Variants in CLK3 observed in about 807,000 individuals in gnomAD.
CLK3 encodes dual specificity protein kinase CLK3.
CLK3 carries 24 observed loss-of-function variants against 65.2 expected under a neutral mutation model. The ratio of observed to expected loss-of-function variants is 0.37; its 90% confidence interval spans 0.27 to 0.52. The LOEUF (loss-of-function observed/expected upper bound fraction) is 0.52. Among genes scored for constraint, CLK3 ranks in the 20% least tolerant of loss-of-function variants. The pLI is 0.92. For missense variants in CLK3, 506 were observed against 660.0 expected (o/e 0.77, Z 2.56); for synonymous variants, 252 against 240.8 (o/e 1.05, Z -0.43).
In CLK3 at chr15:74,621,780, C is replaced by T. The variant is rs906476564; in HGVS notation, c.370-340C>T. 3 of 365,442 alleles carry T rather than the reference C, an allele frequency of 8.2e-6. No individual in the cohort carries two copies. Among genetic ancestry groups the T allele is most frequent in the South Asian group, 2.1e-5 (1 of 47,386 alleles). The allele number at this position is 365,442 out of a possible 1,614,324, so 22.6% of individuals were successfully genotyped here. A position where few individuals can be genotyped will look rare whatever the true frequency, so the allele number is the denominator to read the frequency against. ...GGAGGAGGGAGTCGGGGCGATGGCT[C>T]TCCTCACAGCGTGGCCCTCAGCAGC... is the stretch of plus-strand genomic sequence containing the variant. On this transcript the variant is annotated intron_variant, in intron 3 of 12. Coordinates refer to ENST00000395066, the MANE Select transcript of CLK3 (RefSeq NM_001130028.2). This position sits in a 1 kb window ranked among gnomAD's most constrained non-coding sequence, Gnocchi z 4.8.
chr15:74,618,323 T>C (rs1175564451), intron 1 of CLK3, among the ~76,000 whole-genome samples: 2 of 152,126 alleles, frequency 1.3e-5, no homozygotes, highest in African/African-American at 2.4e-5. Flanking sequence ...TGGATATAAG[T>C]CCTCACTGAA....
chr15:74,615,802 G>C, upstream of CLK3: 1 of 1,243,844 alleles, frequency 8.0e-7, no homozygotes, highest in Non-Finnish European at 1.0e-6. Flanking sequence ...CGTCACGCGA[G>C]GGGGCGGGGC....
chr15:74,626,603 G>A (rs1382175781), intron 7 of CLK3, among the ~76,000 whole-genome samples: 1 of 152,232 alleles, frequency 6.6e-6, no homozygotes, highest in African/African-American at 2.4e-5. Context: ...TCCTCCCACA[G>A]GATCTGCAAG....
chr15:74,615,656 C>T (rs2141533934), upstream of CLK3: 4 of 1,247,894 alleles, frequency 3.2e-6, no homozygotes, highest in Non-Finnish European at 4.0e-6. Flanking sequence ...GGCTCGTCCC[C>T]TCGGCCCTCC....
intron 12 of CLK3, 162 bp downstream of exon 12, chr15:74,629,194 T>C: frequency 1.4e-6 from 1 of 716,360 alleles, no homozygotes; most frequent in Non-Finnish European, 2.6e-6. Flanking sequence ...ATGGGGCTTC[T>C]TGCAAACTGC....
Position 74,620,040 on chromosome 15 carries a change from C to G in CLK3, c.184C>G (p.Arg62Gly). The change falls in exon 3 of 13, where the codon CGG (arginine) becomes GGG (glycine). Residue 62 changes from arginine (R) to glycine (G), a missense_variant. Around this residue, in one of 2 missense-constraint regions of CLK3, gnomAD observed 181 missense variants for 159.4 expected, o/e 1.14. Coordinates refer to ENST00000395066, the MANE Select transcript of CLK3 (RefSeq NM_001130028.2). ...CCGCCTGCCCTACCAGAGGAGGTACCGGGAGCGCCGTGACAGCGATACATA... is the reference window on the plus strand; with the variant it reads ...CCGCCTGCCCTACCAGAGGAGGTACGGGGAGCGCCGTGACAGCGATACATA... The part of the protein sequence containing the change: ...HDRLPYQRRY[R>G]ERRDSDTYRC... 1 of 1,614,152 alleles carries G rather than the reference C, an allele frequency of 6.2e-7. No homozygotes were observed. The highest frequency in any genetic ancestry group is 8.5e-7 in the Non-Finnish European group (1 of 1,180,028).
upstream of CLK3, chr15:74,615,127 C>T (rs900146846): frequency 6.4e-6 from 2 of 313,076 alleles, no homozygotes; most frequent in Non-Finnish European, 1.2e-5. Context: ...AGAGACGCAG[C>T]CGGCGGGGCT....
rs570165554 is a variant in CLK3 at position 74,619,447 on chromosome 15, T to G, written c.152+99T>G. The G allele has an allele frequency of 1.3e-5, 17 of 1,357,798 alleles. No homozygotes were observed. The East Asian group carries it at 2.3e-4, about 19-fold the overall frequency. 84.1% of individuals were successfully genotyped at this position (1,357,798 alleles called of 1,614,324 possible). A position where few individuals can be genotyped will look rare whatever the true frequency, so the allele number is the denominator to read the frequency against. On this transcript the variant is annotated intron_variant, in intron 2 of 12. Transcript: ENST00000395066. ...TGAGATGACTCCATCCCTGCCCAGCTGTCCCTGGATCCCTGCCCTGTCCTC... is the reference window on the plus strand; with the variant it reads ...TGAGATGACTCCATCCCTGCCCAGCGGTCCCTGGATCCCTGCCCTGTCCTC...
intron 7 of CLK3, 99 bp downstream of exon 7, chr15:74,626,067 C>G (rs577457031): frequency 8.1e-6 from 11 of 1,350,018 alleles, no homozygotes; most frequent in African/African-American, 5.7e-5. Flanking sequence ...CGTTACTAAC[C>G]ATTCTCCTGG....
intron 1 of CLK3, chr15:74,618,953 C>T (rs2062080378): frequency 4.5e-6 from 2 of 447,968 alleles, no homozygotes; most frequent in Admixed American, 7.6e-5. Flanking sequence ...ACCCAGGCCA[C>T]CAGGCTAGTG....
At chr15:74,619,537 C>T (rs926282732) in intron 2 of CLK3, among the ~76,000 whole-genome samples, 189 bp downstream of exon 2, 1 of 152,182 alleles carries the variant, frequency 6.6e-6, no homozygotes, top group African/African-American at 2.4e-5. Flanking sequence ...ATCCTTGCCG[C>T]CCACTCTTTC....
chr15:74,615,952 G>C (rs2062055003), intron 1 of CLK3, 54 bp downstream of exon 1: 1 of 1,197,538 alleles, frequency 8.4e-7, no homozygotes, highest in Admixed American at 4.2e-5. Context: ...GGCCGGGGGT[G>C]AGTCGGCGGG....
chr15:74,623,467 C>G (rs1443239214), intron 5 of CLK3, among the ~76,000 whole-genome samples: 1 of 152,228 alleles, frequency 6.6e-6, no homozygotes, highest in South Asian at 2.1e-4. Flanking sequence ...ATGGGGTGTT[C>G]AGGTCATTCA....
At chr15:74,628,794 C>T (rs563922205) in intron 11 of CLK3, 111 bp downstream of exon 11, 134 of 1,065,794 alleles carry the variant, frequency 1.3e-4, no homozygotes, top group Admixed American at 2.7e-4. Flanking sequence ...TCCATGGTTC[C>T]GCAGGCTCCT....
chr15:74,620,374 C>T, intron 3 of CLK3, 149 bp downstream of exon 3: 1 of 1,114,666 alleles, frequency 9.0e-7, no homozygotes, highest in Non-Finnish European at 1.3e-6. Flanking sequence ...GTTGTCTGGT[C>T]CAGGTGTAGG....
intron 1 of CLK3, among the ~76,000 whole-genome samples, chr15:74,618,818 G>A (rs1010609313): frequency 3.9e-5 from 6 of 152,220 alleles, no homozygotes; most frequent in African/African-American, 1.2e-4. Flanking sequence ...CCCCCCGGGC[G>A]GGAGGGAATA....
chr15:74,619,916 C>G (rs2062087862), intron 2 of CLK3, 93 bp from the exon 3 acceptor site: 4 of 1,574,158 alleles, frequency 2.5e-6, no homozygotes, highest in East Asian at 2.3e-5. Flanking sequence ...CAGGCTGTCC[C>G]CCTTTAGCCC....
At chr15:74,615,398 C>T, upstream of CLK3, 1 of 1,233,586 alleles carries the variant, frequency 8.1e-7, no homozygotes, top group Non-Finnish European at 1.0e-6. Flanking sequence ...TCCGCCTTCC[C>T]GAGCTCCGGC....
In CLK3 at chr15:74,627,015, A is replaced by G; in HGVS notation, c.818-337A>G. 1 of 487,508 alleles carries G rather than the reference A, an allele frequency of 2.1e-6. No individual in the cohort carries two copies. Among genetic ancestry groups the G allele is most frequent in the South Asian group, 1.5e-5 (1 of 64,822 alleles). 30.2% of individuals were successfully genotyped at this position (487,508 alleles called of 1,614,324 possible). On this transcript the variant is annotated intron_variant, in intron 7 of 12. Coordinates refer to ENST00000395066, the MANE Select transcript of CLK3 (RefSeq NM_001130028.2). This position sits in a 1 kb window ranked among gnomAD's most constrained non-coding sequence, Gnocchi z 4.3. ...GCCCTGCAAATTATGTAGCTGGTGCAGGGAAGAGGGAACCACCTCGAGGCT... is the reference window on the plus strand; with the variant it reads ...GCCCTGCAAATTATGTAGCTGGTGCGGGGAAGAGGGAACCACCTCGAGGCT...
Sources: allele counts gnomAD v4.1 joint callset (sites outside exome capture counted in the v4.1 genomes callset), GRCh38; gene constraint gnomAD v4.1.1; regional missense constraint gnomAD v4.1.1; non-coding constraint Gnocchi (gnomAD v3.1); transcripts MANE v1.5; gene names NCBI Gene and HGNC (gene_info 2026-07-23, HGNC 2026-07-21).